Variants in ZPBP observed in about 807,000 individuals in gnomAD.
The protein encoded by ZPBP is zona pellucida binding protein.
ZPBP carries 26 observed loss-of-function variants against 44.8 expected under a neutral mutation model. The observed-to-expected ratio is 0.58, with a 90% CI of 0.43 to 0.81. ZPBP has a LOEUF of 0.81. Ranked by LOEUF, ZPBP falls within the 30% of genes least tolerant of loss-of-function variation. ZPBP has a pLI of 0.00. For synonymous variants in ZPBP, 174 were observed against 153.2 expected (o/e 1.14, Z -1.00); for missense variants, 409 against 434.0 (o/e 0.94, Z 0.51).
In ZPBP at chr7:49,980,221, T is replaced by TTATATAATATAAATATATAATATAAA. The variant is rs1005293144; in HGVS notation, c.961+3095_961+3120dup. On this transcript the variant is annotated intron_variant, in intron 7 of 7. Coordinates refer to ENST00000046087, the MANE Select transcript of ZPBP (RefSeq NM_007009.3). ...ATGTTATATGTTATATAATATAAAA[T>TTATATAATATAAATATATAATATAAA]TATATAATATAAATATATAATATAA... 5.1e-4 allele frequency among the ~76,000 whole-genome samples: 64 copies of TTATATAATATAAATATATAATATAAA among 124,490 alleles called. 1 individual carries two copies. The South Asian group carries it at 6.4e-3, about 12-fold the overall frequency. The allele number at this position is 124,490 out of a possible 152,430, so 81.7% of individuals were successfully genotyped here.
At chr7:49,847,921 C>T (rs1790012062), downstream of ZPBP, among the ~76,000 whole-genome samples, 1 of 152,118 alleles carries the variant, frequency 6.6e-6, no homozygotes, top group Non-Finnish European at 1.5e-5. Context: ...TTTACTATCT[C>T]CTGGAATGGG....
chr7:49,887,457 G>A (rs1035029290), intron 2 of ZPBP, among the ~76,000 whole-genome samples: 1 of 152,140 alleles, frequency 6.6e-6, no homozygotes, highest in African/African-American at 2.4e-5. Flanking sequence ...ATTTATTAGT[G>A]TATGTGCTTG....
rs1794851613 is a variant in ZPBP at position 49,940,910 on chromosome 7, C to A, written c.962-3288G>T. ...GAACATAGGTGGGGCAAGAGATTTC[C>A]TGAAAAATATAACATAACATGTAAA... On this transcript the variant is annotated intron_variant, in intron 7 of 7. Transcript: ENST00000046087. The A allele has an allele frequency of 1.7e-5, 7 of 421,448 alleles. No individual in the cohort carries two copies. The South Asian group carries it at 7.0e-4, about 42-fold the overall frequency. The allele number at this position is 421,448 out of a possible 1,614,324, so 26.1% of individuals were successfully genotyped here.
At chr7:49,966,273 A>T (rs1219823115) in intron 7 of ZPBP, among the ~76,000 whole-genome samples, 2 of 152,068 alleles carry the variant, frequency 1.3e-5, no homozygotes, top group South Asian at 2.1e-4. Flanking sequence ...AATAAAACTG[A>T]CCTAATCTAT....
At chr7:49,861,382 G>A (rs1019484421) in intron 2 of ZPBP, among the ~76,000 whole-genome samples, 5 of 151,932 alleles carry the variant, frequency 3.3e-5, no homozygotes, top group African/African-American at 1.2e-4. Context: ...TTTATATTTT[G>A]AATATTAAGC....
At chr7:50,081,964 C>T in intron 2 of ZPBP, 65 bp from the exon 3 acceptor site, 1 of 1,571,188 alleles carries the variant, frequency 6.4e-7, no homozygotes, top group Non-Finnish European at 8.7e-7. Flanking sequence ...CTATAATGTA[C>T]ACTTTTGTAG....
intron 3 of ZPBP, among the ~76,000 whole-genome samples, chr7:50,065,968 A>T (rs950104011): frequency 1.3e-5 from 2 of 151,104 alleles, no homozygotes; most frequent in Non-Finnish European, 3.0e-5. Flanking sequence ...CTTGTCTTAC[A>T]ATTTCATTTG....
chr7:50,049,821 TA>T (rs983248360), intron 4 of ZPBP, among the ~76,000 whole-genome samples: 1 of 148,706 alleles, frequency 6.7e-6, no homozygotes, highest in East Asian at 2.0e-4. Context: ...GGCTCCTCAA[TA>T]AAAAAAAACA....
At position 50,052,945 on chromosome 7, in the gene ZPBP, G is replaced by T. The variant is rs1800763708; in HGVS notation, c.487+5044C>A. Among the ~76,000 whole-genome samples the T allele has an allele frequency of 1.3e-5, 2 of 152,122 alleles. 1 individual carries two copies. Among genetic ancestry groups the T allele is most frequent in the Non-Finnish European group, 2.9e-5 (2 of 68,006 alleles). ...AGTAATTCTGGATGGAGGTAGGAGGGAAAATGGGTTCAATTATAAAAGGTC... is the reference window on the plus strand; with the variant it reads ...AGTAATTCTGGATGGAGGTAGGAGGTAAAATGGGTTCAATTATAAAAGGTC... On this transcript the variant is annotated intron_variant, in intron 4 of 7. Coordinates refer to ENST00000046087, the MANE Select transcript of ZPBP (RefSeq NM_007009.3).
intron 2 of ZPBP, among the ~76,000 whole-genome samples, chr7:49,876,026 C>A (rs1433100090): frequency 6.6e-6 from 1 of 152,080 alleles, no homozygotes; most frequent in African/African-American, 2.4e-5. Context: ...GCAATATTCT[C>A]AAAAATCACT....
In ZPBP at chr7:50,058,021, A is replaced by G; in HGVS notation, c.455T>C (p.Val152Ala). The G allele has an allele frequency of 1.9e-6, 3 of 1,612,708 alleles. No homozygotes were observed. Among genetic ancestry groups the G allele is most frequent in the Non-Finnish European group, 1.7e-6 (2 of 1,179,454 alleles). ...LEYKPTVEEIVKRLQLKYAIY... is the reference protein window; with the variant it reads ...LEYKPTVEEIAKRLQLKYAIY... ...AGCATATTTTAGTTGAAGACGTTTA[A>G]CAATTTCTTCCACAGTAGGTTTATA... The change falls in exon 4 of 8, where the codon GTT (valine) becomes GCT (alanine). Residue 152 changes from valine (V) to alanine (A), a missense_variant. Transcript: ENST00000046087.
chr7:50,032,507 A>G (rs1438696918), intron 4 of ZPBP, among the ~76,000 whole-genome samples: 1 of 152,086 alleles, frequency 6.6e-6, no homozygotes, highest in Non-Finnish European at 1.5e-5. Context: ...TCAAAAGTAT[A>G]CTCTTCTGAG....
intron 2 of ZPBP, among the ~76,000 whole-genome samples, chr7:49,900,224 G>A (rs1792640789): frequency 1.3e-5 from 2 of 151,620 alleles, no homozygotes; most frequent in African/African-American, 4.8e-5. Flanking sequence ...AATTAGAAAA[G>A]AAGAAATCTA....
intron 7 of ZPBP, among the ~76,000 whole-genome samples, chr7:49,940,073 C>T (rs776837887): frequency 1.3e-5 from 2 of 152,128 alleles, no homozygotes; most frequent in Non-Finnish European, 2.9e-5. Context: ...AAGTTTGAAT[C>T]CCTCCTTTTC....
At chr7:49,871,344 G>C (rs1791140860) in intron 2 of ZPBP, among the ~76,000 whole-genome samples, 1 of 152,008 alleles carries the variant, frequency 6.6e-6, no homozygotes, top group Non-Finnish European at 1.5e-5. Flanking sequence ...GCGCATTAAG[G>C]TATATCCCAT....
intron 4 of ZPBP, among the ~76,000 whole-genome samples, chr7:50,045,062 C>A (rs1304079698): frequency 6.6e-6 from 1 of 152,148 alleles, no homozygotes; most frequent in African/African-American, 2.4e-5. Context: ...ATGATTATCT[C>A]AATATATGCA....
At chr7:49,870,428 T>C (rs1791102117) in intron 2 of ZPBP, among the ~76,000 whole-genome samples, 1 of 152,030 alleles carries the variant, frequency 6.6e-6, no homozygotes. Flanking sequence ...AAATTGTCTA[T>C]ATTATGATTG....
intron 2 of ZPBP, among the ~76,000 whole-genome samples, chr7:49,886,161 C>T (rs1339656396): frequency 6.6e-6 from 1 of 152,186 alleles, no homozygotes; most frequent in Non-Finnish European, 1.5e-5. Context: ...GCATCCCACA[C>T]TGAATTTGGG....
intron 3 of ZPBP, among the ~76,000 whole-genome samples, chr7:50,076,378 A>G (rs1802081537): frequency 6.6e-6 from 1 of 151,840 alleles, no homozygotes; most frequent in Admixed American, 6.6e-5. Context: ...ATACCCACTC[A>G]CCGCTGTTAC....
Sources: gnomAD v4.1 joint callset for allele counts (sites outside exome capture counted in the v4.1 genomes callset) on GRCh38, gnomAD v4.1.1 for gene constraint, MANE v1.5 for transcripts, NCBI Gene and HGNC (gene_info 2026-07-23, HGNC 2026-07-21) for gene names.